Variants in NDUFAF6 observed in about 807,000 individuals in gnomAD.
The protein encoded by NDUFAF6 is NADH dehydrogenase (ubiquinone) complex I, assembly factor 6.
In NDUFAF6, 45 loss-of-function variants were observed where a neutral mutation model predicts 40.8. That is an observed-to-expected ratio of 1.10 (90% confidence interval 0.87 to 1.42). The LOEUF is 1.42. NDUFAF6 is among the 40% of genes most tolerant of loss of function. NDUFAF6 has a pLI of 0.00. For missense variants in NDUFAF6, 435 were observed against 418.5 expected, an observed-to-expected ratio of 1.04 and a Z score of -0.34; for synonymous variants, 185 against 155.9, an observed-to-expected ratio of 1.19 and a Z score of -1.39.
At chr8:94,896,987 C>A (rs1586571721) in intron 1 of NDUFAF6, among the ~76,000 whole-genome samples, 1 of 152,256 alleles carries the variant, frequency 6.6e-6, no homozygotes, top group South Asian at 2.1e-4. Flanking sequence ...TGGCTCTCGG[C>A]GGGGCAGAAG....
intron 9 of NDUFAF6, among the ~76,000 whole-genome samples, chr8:95,074,768 TG>T (rs1296508638): frequency 6.6e-6 from 1 of 152,180 alleles, no homozygotes; most frequent in African/African-American, 2.4e-5. Flanking sequence ...ATCCCAGATG[TG>T]GATTTTCTCT....
chr8:94,972,494 C>G (rs1824549800), intron 1 of NDUFAF6, among the ~76,000 whole-genome samples: 1 of 152,168 alleles, frequency 6.6e-6, no homozygotes, highest in African/African-American at 2.4e-5. Flanking sequence ...CCGCCTCAAC[C>G]TCCCAAAGTG....
At chr8:95,016,817 C>T (rs934327795) in intron 2 of NDUFAF6, among the ~76,000 whole-genome samples, 1 of 152,046 alleles carries the variant, frequency 6.6e-6, no homozygotes, top group Non-Finnish European at 1.5e-5. Flanking sequence ...CAACAGGAGA[C>T]AGAAGAAAAT....
Position 94,941,133 on chromosome 8 carries a change from G to A in NDUFAF6, c.-935-4350G>A, listed in dbSNP as rs1821488421. 6.9e-6 allele frequency: 4 copies of A among 575,770 alleles called. No individual in the cohort carries two copies. The South Asian group carries it at 8.7e-5, about 12-fold the overall frequency. The allele number at this position is 575,770 out of a possible 1,614,324, so 35.7% of individuals were successfully genotyped here. On this transcript the variant is annotated intron_variant, in intron 1 of 14. Transcript: ENST00000396113. ...AAAGGAAGTTATTTCAAATCAGCAT[G>A]CACATATATACATAAGTACATACAC...
At chr8:95,077,468 G>A (rs936001172), downstream of NDUFAF6, among the ~76,000 whole-genome samples, 5 of 152,324 alleles carry the variant, frequency 3.3e-5, no homozygotes, top group Middle Eastern at 3.4e-3. Context: ...GGATAGGAAC[G>A]TCTACAACGT....
At chr8:95,113,386 G>T (rs144155802) in intron 4 of NDUFAF6, among the ~76,000 whole-genome samples, 38 of 152,070 alleles carry the variant, frequency 2.5e-4, no homozygotes, top group African/African-American at 7.7e-4. Context: ...TGGGAGGGAG[G>T]TCTCATGGAG....
chr8:94,962,709 C>G (rs1388021520), intron 1 of NDUFAF6, among the ~76,000 whole-genome samples: 1 of 151,808 alleles, frequency 6.6e-6, no homozygotes, highest in African/African-American at 2.4e-5. Flanking sequence ...AACTCCTGGA[C>G]TCAAGTGATC....
intron 1 of NDUFAF6, among the ~76,000 whole-genome samples, chr8:94,971,727 A>G (rs1299170808): frequency 6.6e-6 from 1 of 152,162 alleles, no homozygotes; most frequent in Admixed American, 6.5e-5. Context: ...ACCTGAGGTC[A>G]GGAGTTCGAG....
At chr8:94,987,281 C>A (rs1359310884) in intron 2 of NDUFAF6, among the ~76,000 whole-genome samples, 1 of 152,234 alleles carries the variant, frequency 6.6e-6, no homozygotes, top group East Asian at 1.9e-4. Flanking sequence ...CCTCCAGGTG[C>A]CATTGGTCAC....
intron 2 of NDUFAF6, chr8:95,034,076 A>T (rs778683047): frequency 2.2e-6 from 1 of 457,700 alleles, no homozygotes; most frequent in South Asian, 1.5e-5. Flanking sequence ...TTGCTAAGAA[A>T]CCCACCCACC....
intron 1 of NDUFAF6, among the ~76,000 whole-genome samples, chr8:94,959,921 G>T (rs940528540): frequency 1.3e-5 from 2 of 152,164 alleles, no homozygotes; most frequent in African/African-American, 2.4e-5. Context: ...TTCATGTGCA[G>T]ATTATATTCT....
chr8:94,921,199 C>A (rs1461217710), intron 1 of NDUFAF6, among the ~76,000 whole-genome samples: 1 of 152,236 alleles, frequency 6.6e-6, no homozygotes, highest in East Asian at 1.9e-4. Flanking sequence ...GTCCTTCTTG[C>A]ACATTGGCTG....
chr8:95,113,889 A>G (rs1810066377), intron 4 of NDUFAF6, among the ~76,000 whole-genome samples: 1 of 151,930 alleles, frequency 6.6e-6, no homozygotes, highest in African/African-American at 2.4e-5. Flanking sequence ...CATCATTCTC[A>G]GTAAACTATC....
At chr8:95,065,713 C>G (rs1832686457) in intron 9 of NDUFAF6, among the ~76,000 whole-genome samples, 2 of 132,066 alleles carry the variant, frequency 1.5e-5, no homozygotes, top group African/African-American at 5.0e-5. Context: ...ATGGAATATT[C>G]TCTGAAAAGC....
intron 1 of NDUFAF6, chr8:94,930,361 A>C: frequency 7.1e-7 from 1 of 1,409,030 alleles, no homozygotes; most frequent in Non-Finnish European, 9.7e-7. Context: ...TACACTGATA[A>C]AACTATGTGA....
intron 3 of NDUFAF6, chr8:95,040,590 A>G (rs749194303): frequency 4.6e-5 from 7 of 152,244 alleles, no homozygotes; most frequent in Non-Finnish European, 1.0e-4. Flanking sequence ...GTATTCTGCT[A>G]TAAGAATGAG....
chr8:95,094,175 T>C (rs1809361260), intron 2 of NDUFAF6, among the ~76,000 whole-genome samples: 1 of 152,188 alleles, frequency 6.6e-6, no homozygotes, highest in African/African-American at 2.4e-5. Flanking sequence ...TTTCGCCATG[T>C]TGGCCAGACT....
rs186628425 is a variant in NDUFAF6 at position 95,067,951 on chromosome 8, A to G, written c.*512-7682A>G. 7 of 151,946 alleles carry G rather than the reference A, an allele frequency of 4.6e-5. No individual in the cohort carries two copies. The East Asian group carries it at 1.4e-3, about 29-fold the overall frequency. The allele number at this position is 151,946 out of a possible 1,614,324, so 9.4% of individuals were successfully genotyped here. A position where few individuals can be genotyped will look rare whatever the true frequency, so the allele number is the denominator to read the frequency against. ...CCCTTGTGATAGCCTGGACTCCCACACCCTTGGGTGGTGTGGGTGGGAGTG... is the reference window on the plus strand; with the variant it reads ...CCCTTGTGATAGCCTGGACTCCCACGCCCTTGGGTGGTGTGGGTGGGAGTG... On this transcript the variant is annotated intron_variant and NMD_transcript_variant, in intron 9 of 9. Coordinates refer to the NDUFAF6 transcript ENST00000520757.
intron 1 of NDUFAF6, among the ~76,000 whole-genome samples, chr8:94,944,034 C>T (rs1821784916): frequency 6.6e-6 from 1 of 152,160 alleles, no homozygotes; most frequent in African/African-American, 2.4e-5. Context: ...TTTGAGGATA[C>T]ATGCTTAGAG....
Sources: gnomAD v4.1 joint callset for allele counts (sites outside exome capture counted in the v4.1 genomes callset) on GRCh38, gnomAD v4.1.1 for gene constraint, MANE v1.5 for transcripts, NCBI Gene and HGNC (gene_info 2026-07-23, HGNC 2026-07-21) for gene names.